NDST4: variants seen among roughly 807,000 people sequenced by gnomAD.
The protein encoded by NDST4 is N-deacetylase and N-sulfotransferase 4, also known as N-heparan sulfate sulfotransferase 4.
In NDST4, 63 loss-of-function variants were observed where a neutral mutation model predicts 100.8. The ratio of observed to expected loss-of-function variants is 0.62; its 90% CI spans 0.51 to 0.77. NDST4 has a LOEUF of 0.77. Ranked by LOEUF, NDST4 falls within the 30% of genes least tolerant of loss-of-function variation. NDST4 has a pLI of 0.00. For missense variants in NDST4, 943 were observed against 1,018.4 expected, an observed-to-expected ratio of 0.93 and a Z score of 1.01; for synonymous variants, 377 against 361.8, an observed-to-expected ratio of 1.04 and a Z score of -0.48.
chr4:114,975,468 C>CT (rs1726611970), intron 3 of NDST4, among the ~76,000 whole-genome samples: 1 of 152,056 alleles, frequency 6.6e-6, no homozygotes, highest in African/African-American at 2.4e-5. Context: ...ATACATCTTT[C>CT]TTTTTTACTG....
At chr4:115,004,926 T>C (rs1195712328) in intron 2 of NDST4, among the ~76,000 whole-genome samples, 3 of 152,290 alleles carry the variant, frequency 2.0e-5, no homozygotes, top group Admixed American at 1.3e-4. Flanking sequence ...ATTTACAGGA[T>C]TGACTATTTT....
At chr4:115,049,495 C>A (rs1728538562) in intron 2 of NDST4, among the ~76,000 whole-genome samples, 1 of 151,906 alleles carries the variant, frequency 6.6e-6, no homozygotes, top group South Asian at 2.1e-4. Context: ...GTAGGGGGAC[C>A]AAGCATCCCA....
intron 7 of NDST4, among the ~76,000 whole-genome samples, chr4:114,865,486 A>T (rs1724008607): frequency 6.6e-6 from 1 of 152,218 alleles, no homozygotes; most frequent in Non-Finnish European, 1.5e-5. Context: ...CTGTATTTTT[A>T]AACTCTTATG....
chr4:114,929,062 GTCCGTCCGTCCGTCCA>G (rs1432012531), intron 6 of NDST4, among the ~76,000 whole-genome samples: 21 of 102,196 alleles, frequency 2.1e-4, no homozygotes, highest in African/African-American at 6.0e-4. Flanking sequence ...CCGTCCGTCC[GTCCGTCCGTCCGTCCA>G]TCCATCCATC....
chr4:114,981,786 T>C (rs189241285), intron 2 of NDST4, among the ~76,000 whole-genome samples: 51 of 152,316 alleles, frequency 3.3e-4, no homozygotes, highest in African/African-American at 1.2e-3. Context: ...TTTCCCTAAA[T>C]GTACCTAATA....
At chr4:115,085,051 G>A (rs1389322359) in intron 1 of NDST4, among the ~76,000 whole-genome samples, 1 of 152,194 alleles carries the variant, frequency 6.6e-6, no homozygotes, top group African/African-American at 2.4e-5. Context: ...AAAGCTACAG[G>A]GGTGGAGCTC....
rs539178953 is a variant in NDST4, at chr4:115,059,192, G to T, written c.978+16867C>A. 2.6e-5 allele frequency among the ~76,000 whole-genome samples: 4 copies of T among 152,070 alleles called. No homozygotes were observed. The East Asian group carries it at 7.8e-4, about 29-fold the overall frequency. On this transcript the variant is annotated intron_variant, in intron 2 of 13. Coordinates refer to ENST00000264363, the MANE Select transcript of NDST4 (RefSeq NM_022569.3). ...AACTGAATTCTGATTGTACCAACAA[G>T]ATGGTAATATGAGAATTAATCATAA...
intron 4 of NDST4, among the ~76,000 whole-genome samples, chr4:114,940,852 T>A (rs1002074445): frequency 2.0e-5 from 3 of 152,202 alleles, no homozygotes; most frequent in African/African-American, 7.2e-5. Context: ...CCCTCTGGCA[T>A]CCAGCTGCTT....
rs753561536 is a variant in NDST4, at chr4:115,076,173, G to T, written c.864C>A (p.Ile288=). 6 of 1,613,936 alleles carry T rather than the reference G, an allele frequency of 3.7e-6. No individual in the cohort carries two copies. The highest frequency in any genetic ancestry group is 4.2e-6 in the Non-Finnish European group (5 of 1,179,914). ...WLHKLIFIDA[I]SFLSGKRLTL... ...TCAGCCTCTTCCCTGACAAGAAGGA[G>T]ATGGCATCTATGAAGATGAGCTTGT... Residue 288 remains isoleucine (I), a synonymous_variant, in exon 2 of 14, where the codon ATC becomes ATA. Coordinates refer to ENST00000264363, the MANE Select transcript of NDST4 (RefSeq NM_022569.3).
intron 4 of NDST4, among the ~76,000 whole-genome samples, chr4:114,959,860 C>T (rs780026386): frequency 2.0e-5 from 3 of 152,064 alleles, no homozygotes; most frequent in Non-Finnish European, 4.4e-5. Flanking sequence ...GAAAAAGAAA[C>T]ACAAAGGGTA....
chr4:115,093,791 A>G (rs1038151486), intron 1 of NDST4, among the ~76,000 whole-genome samples: 2 of 152,096 alleles, frequency 1.3e-5, no homozygotes, highest in Non-Finnish European at 2.9e-5. Context: ...AGTAAAATAC[A>G]TTTAAGAGTT....
intron 6 of NDST4, among the ~76,000 whole-genome samples, chr4:114,886,660 G>A (rs1023003071): frequency 2.6e-5 from 4 of 152,062 alleles, no homozygotes; most frequent in South Asian, 4.1e-4. Context: ...TCATTACCAT[G>A]TAGTTTTTGA....
At chr4:114,972,136 C>A (rs894759872) in intron 3 of NDST4, among the ~76,000 whole-genome samples, 3 of 151,990 alleles carry the variant, frequency 2.0e-5, no homozygotes, top group African/African-American at 7.2e-5. Flanking sequence ...TTCTTACAGT[C>A]AGGGACTGGA....
At chr4:114,991,399 C>T (rs1416675351) in intron 2 of NDST4, among the ~76,000 whole-genome samples, 1 of 152,022 alleles carries the variant, frequency 6.6e-6, no homozygotes, top group Non-Finnish European at 1.5e-5. Flanking sequence ...ACAAATGCCA[C>T]ATTAACTGAG....
chr4:115,057,225 A>T (rs1371672568), intron 2 of NDST4, among the ~76,000 whole-genome samples: 1 of 152,138 alleles, frequency 6.6e-6, no homozygotes, highest in Non-Finnish European at 1.5e-5. Context: ...AAGTGCAAAG[A>T]CTGGAAAGGA....
chr4:114,947,122 A>C (rs866021319), intron 4 of NDST4, among the ~76,000 whole-genome samples: 1 of 152,212 alleles, frequency 6.6e-6, no homozygotes, highest in Non-Finnish European at 1.5e-5. Flanking sequence ...TCTGGGCAGC[A>C]TAGAAGGTCC....
At chr4:114,922,803 A>G (rs537244246) in intron 6 of NDST4, among the ~76,000 whole-genome samples, 1 of 152,284 alleles carries the variant, frequency 6.6e-6, no homozygotes, top group African/African-American at 2.4e-5. Context: ...TTCATTTGTT[A>G]ATTTATTCAA....
intron 9 of NDST4, 122 bp from the exon 10 acceptor site, chr4:114,846,119 T>C (rs1263586948): frequency 1.6e-5 from 13 of 788,386 alleles, no homozygotes; most frequent in South Asian, 3.9e-5. Context: ...TATGCTGTTA[T>C]AGTTTAAATA....
intron 2 of NDST4, among the ~76,000 whole-genome samples, chr4:115,047,409 C>T (rs1021872416): frequency 2.6e-5 from 4 of 152,056 alleles, no homozygotes; most frequent in Admixed American, 2.6e-4. Flanking sequence ...TGGGTTTTAG[C>T]ATATTCCTTG....
Sources: gnomAD v4.1 joint callset for allele counts (sites outside exome capture counted in the v4.1 genomes callset) on GRCh38, gnomAD v4.1.1 for gene constraint, MANE v1.5 for transcripts, NCBI Gene and HGNC (gene_info 2026-07-23, HGNC 2026-07-21) for gene names.